ATP6V0A4: variants seen among roughly 807,000 people sequenced by gnomAD.
ATP6V0A4 encodes ATPase H+ transporting V0 subunit a4.
A neutral mutation model predicts 107.3 loss-of-function variants in ATP6V0A4; 86 were observed. That is an observed-to-expected ratio of 0.80 (90% confidence interval 0.67 to 0.96). The LOEUF is 0.96. ATP6V0A4 is among the 40% of genes least tolerant of loss of function. The probability of loss-of-function intolerance (pLI) is 0.00; values close to 1 mark genes in which losing one functional copy is unlikely to be tolerated. For missense variants in ATP6V0A4, 908 were observed against 1,045.6 expected (o/e 0.87, Z 1.81); for synonymous variants, 353 against 381.4 (o/e 0.93, Z 0.87).
At chr7:138,714,316 T>G (rs1803917366) in intron 20 of ATP6V0A4, among the ~76,000 whole-genome samples, 1 of 150,582 alleles carries the variant, frequency 6.6e-6, no homozygotes, top group South Asian at 2.1e-4. Context: ...TAAGGAAAAC[T>G]GACAAGAAAC....
chr7:138,758,874 G>C (rs867515337), intron 8 of ATP6V0A4, among the ~76,000 whole-genome samples: 3 of 142,458 alleles, frequency 2.1e-5, no homozygotes, highest in Non-Finnish European at 4.5e-5. Context: ...CCTCAGCCTC[G>C]CAAGTAGCTG....
At chr7:138,734,449 A>G (rs1160030602) in intron 15 of ATP6V0A4, 195 bp from the exon 16 acceptor site, 2 of 346,438 alleles carry the variant, frequency 5.8e-6, no homozygotes, top group Admixed American at 6.5e-5. Context: ...TGCAACTTTA[A>G]TGACAAAAGT....
In ATP6V0A4 at chr7:138,722,164, C is replaced by T. The variant is rs1425414636; in HGVS notation, c.2011-139G>A. The T allele has an allele frequency of 9.3e-6, 13 of 1,402,714 alleles. No homozygotes were observed. The Admixed American group carries it at 2.6e-4, about 28-fold the overall frequency. 86.9% of individuals were successfully genotyped at this position (1,402,714 alleles called of 1,614,324 possible). ...TAAACACTACACTATCTCATTAAGC[C>T]CTCACAACAACCATTTTATATAAGC... On this transcript the variant is annotated intron_variant, in intron 18 of 21. Coordinates refer to ENST00000310018, the MANE Select transcript of ATP6V0A4 (RefSeq NM_020632.3).
rs144387323 is a variant in ATP6V0A4 at position 138,764,466 on chromosome 7, CA to C, written c.292-1442del. Among the ~76,000 whole-genome samples the C allele has an allele frequency of 2.1e-3, 312 of 151,954 alleles. 2 individuals carry two copies. Among genetic ancestry groups the C allele is most frequent in the African/African-American group, 7.0e-3 (291 of 41,440 alleles). Reference sequence around the variant, plus strand: ...ACAAAGATAAAACTTTAAAGGCTATCAGGGAAAAAAAGGACATATATCCACA... The same window carrying C: ...ACAAAGATAAAACTTTAAAGGCTATCGGGAAAAAAAGGACATATATCCACA... On this transcript the variant is annotated intron_variant, in intron 5 of 21. Coordinates refer to ENST00000310018, the MANE Select transcript of ATP6V0A4 (RefSeq NM_020632.3).
intron 7 of ATP6V0A4, 143 bp from the exon 8 acceptor site, chr7:138,760,021 C>T: frequency 6.8e-7 from 1 of 1,475,232 alleles, no homozygotes; most frequent in Non-Finnish European, 9.2e-7. Context: ...GCTCTACCGA[C>T]ATGAGTCCCA....
Position 138,749,221 on chromosome 7 carries a change from A to G in ATP6V0A4, c.1126T>C (p.Phe376Leu), listed in dbSNP as rs1375044853. 1.2e-6 allele frequency: 2 copies of G among 1,613,942 alleles called. No homozygotes were observed. The highest frequency in any genetic ancestry group is 4.5e-5 in the East Asian group (2 of 44,886). Residue 376 changes from phenylalanine (F) to leucine (L), a missense_variant, in exon 12 of 22, where the codon TTC (phenylalanine) becomes CTC (leucine). Transcript: ENST00000310018. The part of the protein sequence containing the change: ...FNRTNKFTAG[F>L]QNIVDAYGVG... The stretch of plus-strand genomic sequence containing the variant: ...CCATAGGCATCAACAATATTCTGGA[A>G]GCCAGCTGTGAATTTATTGGTCCTG...
At chr7:138,749,049 C>A (rs1174830333) in intron 12 of ATP6V0A4, 118 bp downstream of exon 12, 1 of 1,333,874 alleles carries the variant, frequency 7.5e-7, no homozygotes, top group African/African-American at 1.4e-5. Context: ...CCCACAGCTA[C>A]TACCCTAGCC....
At chr7:138,761,161 C>G (rs555964586) in intron 7 of ATP6V0A4, among the ~76,000 whole-genome samples, 14 of 152,004 alleles carry the variant, frequency 9.2e-5, no homozygotes, top group Non-Finnish European at 1.3e-4. Context: ...CACAGTGAGG[C>G]CTTGTCTCTA....
At chr7:138,716,014 A>G in intron 19 of ATP6V0A4, 133 bp from the exon 20 acceptor site, 1 of 1,240,804 alleles carries the variant, frequency 8.1e-7, no homozygotes. Context: ...GAAAAGAAAT[A>G]GTAATAGACT....
intron 11 of ATP6V0A4, among the ~76,000 whole-genome samples, chr7:138,751,819 T>C (rs1806241588): frequency 6.6e-6 from 1 of 152,032 alleles, no homozygotes; most frequent in Non-Finnish European, 1.5e-5. Flanking sequence ...ATAACCTCCA[T>C]GAGGTAACAG....
chr7:138,763,125 A>G, intron 5 of ATP6V0A4, 100 bp from the exon 6 acceptor site: 2 of 1,537,360 alleles, frequency 1.3e-6, no homozygotes, highest in Non-Finnish European at 1.8e-6. Flanking sequence ...CAAAGGAATC[A>G]GCACATAACA....
chr7:138,730,360 G>GTGTGTT, intron 17 of ATP6V0A4, among the ~76,000 whole-genome samples: 1 of 143,268 alleles, frequency 7.0e-6, no homozygotes, highest in African/African-American at 3.0e-5. Context: ...GTGTGTGTGT[G>GTGTGTT]TGTGTGTGTG....
At chr7:138,783,838 C>G (rs1808026768) in intron 2 of ATP6V0A4, among the ~76,000 whole-genome samples, 1 of 152,172 alleles carries the variant, frequency 6.6e-6, no homozygotes. Flanking sequence ...AGTTTCCTGT[C>G]TGAGCTCAAT....
chr7:138,777,953 A>C (rs1476773403), intron 2 of ATP6V0A4, among the ~76,000 whole-genome samples: 2 of 152,218 alleles, frequency 1.3e-5, no homozygotes, highest in Non-Finnish European at 2.9e-5. Flanking sequence ...TGACACCACA[A>C]GTGGAAAATT....
At chr7:138,726,519 T>A (rs1243393479) in intron 18 of ATP6V0A4, among the ~76,000 whole-genome samples, 1 of 152,202 alleles carries the variant, frequency 6.6e-6, no homozygotes, top group Admixed American at 6.5e-5. Flanking sequence ...CAGGCCACAT[T>A]CTGCAGGGAC....
At position 138,759,617 on chromosome 7, in the gene ATP6V0A4, A is replaced by G. The variant is rs1806689691; in HGVS notation, c.639+135T>C. 17 of 989,238 alleles carry G rather than the reference A, an allele frequency of 1.7e-5. No homozygotes were observed. The South Asian group carries it at 2.5e-4, about 14-fold the overall frequency. The allele number at this position is 989,238 out of a possible 1,614,324, so 61.3% of individuals were successfully genotyped here. On this transcript the variant is annotated intron_variant, in intron 8 of 21. Coordinates refer to ENST00000310018, the MANE Select transcript of ATP6V0A4 (RefSeq NM_020632.3). ...AAAAGGAACAAAGTAAAAGGGAAGG[A>G]AAAAAAGGAGAAAAAAAGGAAATAG... is the stretch of plus-strand genomic sequence containing the variant.
chr7:138,715,063 C>A (rs1803961061), intron 20 of ATP6V0A4, among the ~76,000 whole-genome samples: 1 of 152,172 alleles, frequency 6.6e-6, no homozygotes, highest in Admixed American at 6.5e-5. Flanking sequence ...CCACAGAATG[C>A]AGGCAGCCTC....
intron 21 of ATP6V0A4, 33 bp from the exon 22 acceptor site, chr7:138,706,750 T>A: frequency 6.2e-7 from 1 of 1,610,776 alleles, no homozygotes; most frequent in Non-Finnish European, 8.5e-7. Flanking sequence ...GGGTAAGAAA[T>A]GGGAGATTGA....
Position 138,739,555 on chromosome 7 carries a change from C to T in ATP6V0A4, c.1557G>A (p.Pro519=), listed in dbSNP as rs74921348. The T allele has an allele frequency of 7.1e-3, 11,446 of 1,614,096 alleles. 75 individuals are homozygous for T. Among genetic ancestry groups the T allele is most frequent in the East Asian group, 8.3e-3 (373 of 44,884 alleles). The change falls in exon 15 of 22, where the codon CCG becomes CCA. Residue 519 remains proline, a synonymous_variant. Coordinates refer to ENST00000310018, the MANE Select transcript of ATP6V0A4 (RefSeq NM_020632.3). The stretch of plus-strand genomic sequence containing the variant: ...ACATTATTACCGGATCAATCCCAAA[C>T]GGGTATGGATTTCCAAAATACACTC... ...IPGVYFGNPY[P]FGIDPIWNLA...
Sources: allele counts gnomAD v4.1 joint callset (sites outside exome capture counted in the v4.1 genomes callset), GRCh38; gene constraint gnomAD v4.1.1; transcripts MANE v1.5; gene names NCBI Gene and HGNC (gene_info 2026-07-23, HGNC 2026-07-21).